The following DNAJC11 variants were observed in gnomAD, a reference collection of about 807,000 sequenced individuals.
DNAJC11 encodes the protein dnaJ homolog subfamily C member 11.
DNAJC11 carries 15 observed loss-of-function variants against 78.6 expected under a neutral mutation model. The observed-to-expected ratio is 0.19, with a 90% CI of 0.13 to 0.29. DNAJC11 has a LOEUF of 0.29. Ranked by LOEUF, DNAJC11 falls within the 10% of genes least tolerant of loss-of-function variation. The pLI is 1.00. For synonymous variants in DNAJC11, 292 were observed against 272.1 expected, an observed-to-expected ratio of 1.07 and a Z score of -0.72; for missense variants, 547 against 709.6, an observed-to-expected ratio of 0.77 and a Z score of 2.60.
intron 1 of DNAJC11, among the ~76,000 whole-genome samples, chr1:6,684,590 T>C (rs752497739): frequency 3.9e-5 from 6 of 152,224 alleles, no homozygotes; most frequent in African/African-American, 9.6e-5. Context: ...TATTAAGTAA[T>C]GTAAATAAGA....
intron 3 of DNAJC11, among the ~76,000 whole-genome samples, chr1:6,669,954 TA>T (rs202074018): frequency 1.5e-4 from 22 of 151,480 alleles, no homozygotes; most frequent in Admixed American, 2.6e-4. Context: ...TTTCAAAAAA[TA>T]ATTTTTTTTT....
At chr1:6,668,996 G>A (rs1204304808) in intron 3 of DNAJC11, among the ~76,000 whole-genome samples, 21 of 151,812 alleles carry the variant, frequency 1.4e-4, no homozygotes, top group Non-Finnish European at 1.5e-5. Context: ...AGACCAACCT[G>A]GCCAACATGG....
intron 3 of DNAJC11, among the ~76,000 whole-genome samples, chr1:6,677,086 A>G (rs1366698682): frequency 6.6e-6 from 1 of 150,968 alleles, no homozygotes; most frequent in East Asian, 1.9e-4. Flanking sequence ...GAGGCAGGAG[A>G]ATCACTTGTT....
intron 4 of DNAJC11, among the ~76,000 whole-genome samples, chr1:6,658,703 A>G (rs1642165903): frequency 1.3e-5 from 2 of 152,256 alleles, no homozygotes; most frequent in South Asian, 4.1e-4. Flanking sequence ...AAGCTATCTA[A>G]AAACTTACTT....
chr1:6,690,460 T>C (rs1252645340), intron 1 of DNAJC11, among the ~76,000 whole-genome samples: 1 of 152,200 alleles, frequency 6.6e-6, no homozygotes, highest in Non-Finnish European at 1.5e-5. Context: ...CAAAACCTGC[T>C]AGAAACTCAA....
chr1:6,638,194 T>TGGAGAAGA (rs1314075944), intron 12 of DNAJC11, 101 bp downstream of exon 12: 35 of 1,182,316 alleles, frequency 3.0e-5, no homozygotes, highest in Non-Finnish European at 4.1e-5. Flanking sequence ...GCCAAGTTGT[T>TGGAGAAGA]GGAGAAGAGA....
In DNAJC11 at chr1:6,635,366, G is replaced by A. The variant is rs535300535; in HGVS notation, c.*309C>T. The A allele has an allele frequency of 3.6e-4, 112 of 309,156 alleles. No individual in the cohort carries two copies. Among genetic ancestry groups the A allele is most frequent in the African/African-American group, 2.2e-3 (102 of 46,812 alleles). The allele number at this position is 309,156 out of a possible 1,614,324, so 19.2% of individuals were successfully genotyped here. On this transcript the variant is annotated 3_prime_UTR_variant, in exon 16 of 16. Coordinates refer to ENST00000377577, the MANE Select transcript of DNAJC11 (RefSeq NM_018198.4). ...CAAGAACTACAGGGCGGCGGGCTGC[G>A]GTCAGCACGTGTGCTCGGGACACAG...
chr1:6,665,034 C>T (rs1031040106), intron 4 of DNAJC11, among the ~76,000 whole-genome samples: 4 of 152,132 alleles, frequency 2.6e-5, no homozygotes, highest in Non-Finnish European at 5.9e-5. Flanking sequence ...TGTGGGGGGT[C>T]CAGCTGACAG....
rs1256568816 is a variant in DNAJC11, at chr1:6,635,027, C to G, written c.*648G>C. 1 of 364,908 alleles carries G rather than the reference C, an allele frequency of 2.7e-6. No homozygotes were observed. Among genetic ancestry groups the G allele is most frequent in the African/African-American group, 2.1e-5 (1 of 47,742 alleles). 22.6% of individuals were successfully genotyped at this position (364,908 alleles called of 1,614,324 possible). A position where few individuals can be genotyped will look rare whatever the true frequency, so the allele number is the denominator to read the frequency against. On this transcript the variant is annotated 3_prime_UTR_variant, in exon 16 of 16. Coordinates refer to ENST00000377577, the MANE Select transcript of DNAJC11 (RefSeq NM_018198.4). Reference sequence around the variant, plus strand: ...CTAGGCCCTGGGATCGGGAGTTACACTACCCTGTCCCAAGCCGAGGGGGCC... The same window carrying G: ...CTAGGCCCTGGGATCGGGAGTTACAGTACCCTGTCCCAAGCCGAGGGGGCC...
rs1570260953 is a variant in DNAJC11, at chr1:6,637,612, G to A, written c.1324-108C>T. 9 of 1,292,394 alleles carry A rather than the reference G, an allele frequency of 7.0e-6. No individual in the cohort carries two copies. The East Asian group carries it at 2.1e-4, about 30-fold the overall frequency. The allele number at this position is 1,292,394 out of a possible 1,614,324, so 80.1% of individuals were successfully genotyped here. A position where few individuals can be genotyped will look rare whatever the true frequency, so the allele number is the denominator to read the frequency against. ...TGTCCACGTCAACATACTTGCTCAG[G>A]GCCTGGAAAGGAAGGGAGTGGGCAC... On this transcript the variant is annotated intron_variant, in intron 12 of 15. Coordinates refer to ENST00000377577, the MANE Select transcript of DNAJC11 (RefSeq NM_018198.4).
At chr1:6,657,242 A>G (rs984105390) in intron 4 of DNAJC11, among the ~76,000 whole-genome samples, 3 of 152,196 alleles carry the variant, frequency 2.0e-5, no homozygotes, top group African/African-American at 7.2e-5. Context: ...AAAATGCACT[A>G]TCTGGGGGAC....
rs1212964257 is a variant in DNAJC11 at position 6,635,591 on chromosome 1, A to T, written c.*84T>A. The T allele has an allele frequency of 1.4e-6, 2 of 1,388,684 alleles. No homozygotes were observed. Among genetic ancestry groups the T allele is most frequent in the Admixed American group, 3.8e-5 (2 of 52,892 alleles). The allele number at this position is 1,388,684 out of a possible 1,614,324, so 86.0% of individuals were successfully genotyped here. A position where few individuals can be genotyped will look rare whatever the true frequency, so the allele number is the denominator to read the frequency against. ...TAATAATATAAAATAAAAACATCTG[A>T]TGTCTGGGTTTTTTCATTTCCAAAT... is the stretch of plus-strand genomic sequence containing the variant. On this transcript the variant is annotated 3_prime_UTR_variant, in exon 16 of 16. Coordinates refer to ENST00000377577, the MANE Select transcript of DNAJC11 (RefSeq NM_018198.4).
At chr1:6,641,156 C>A (rs1429192457) in intron 10 of DNAJC11, among the ~76,000 whole-genome samples, 1 of 151,742 alleles carries the variant, frequency 6.6e-6, no homozygotes, top group Non-Finnish European at 1.5e-5. Context: ...GAGGCTGAGG[C>A]AGGAGGATCG....
intron 3 of DNAJC11, among the ~76,000 whole-genome samples, chr1:6,674,165 C>T (rs979827009): frequency 3.3e-5 from 5 of 152,168 alleles, no homozygotes; most frequent in African/African-American, 1.2e-4. Flanking sequence ...ACTAACCAAC[C>T]TCAAGAAGTA....
intron 1 of DNAJC11, among the ~76,000 whole-genome samples, chr1:6,692,334 T>C (rs1013707511): frequency 5.9e-5 from 9 of 151,946 alleles, no homozygotes; most frequent in African/African-American, 2.2e-4. Flanking sequence ...ACAGGCAGCT[T>C]CTCTAAACTC....
rs1642933066 is a variant in DNAJC11, at chr1:6,701,732, C to T, written c.69G>A (p.Arg23=). Residue 23 remains arginine, a synonymous_variant, in exon 1 of 16, where the codon AGG becomes AGA. Coordinates refer to ENST00000377577, the MANE Select transcript of DNAJC11 (RefSeq NM_018198.4). The part of the protein sequence containing the change: ...EDYYSLLNVR[R]EASSEELKAA... ...AGCGTCCAGCCGCTGGCCTCACCTC[C>T]CTGCGCACGTTCAGCAACGAGTAAT... 1.9e-6 allele frequency: 3 copies of T among 1,558,972 alleles called. No homozygotes were observed. Among genetic ancestry groups the T allele is most frequent in the South Asian group, 1.2e-5 (1 of 84,356 alleles).
chr1:6,679,175 G>A (rs370618427), intron 2 of DNAJC11, among the ~76,000 whole-genome samples: 1 of 152,174 alleles, frequency 6.6e-6, no homozygotes, highest in African/African-American at 2.4e-5. Flanking sequence ...GTGGGTTCCA[G>A]TTTCTAAAGA....
chr1:6,684,229 C>T (rs532636745), intron 1 of DNAJC11, among the ~76,000 whole-genome samples: 3 of 152,154 alleles, frequency 2.0e-5, no homozygotes, highest in South Asian at 2.1e-4. Flanking sequence ...TACAGGCGCA[C>T]GCCACCATGC....
intron 3 of DNAJC11, among the ~76,000 whole-genome samples, chr1:6,672,087 G>A (rs1375719797): frequency 6.6e-6 from 1 of 152,076 alleles, no homozygotes; most frequent in East Asian, 1.9e-4. Context: ...CACCTGCCTT[G>A]ACTTCCCAAA....
Sources: gnomAD v4.1 joint callset for allele counts (sites outside exome capture counted in the v4.1 genomes callset) on GRCh38, gnomAD v4.1.1 for gene constraint, MANE v1.5 for transcripts, NCBI Gene and HGNC (gene_info 2026-07-23, HGNC 2026-07-21) for gene names.